SH3GL2: variants seen among roughly 807,000 people sequenced by gnomAD.
SH3GL2 encodes the protein SH3 domain containing GRB2 like 2, endophilin A1.
Under a neutral mutation model 46.0 loss-of-function variants are expected in SH3GL2, and 24 were observed. That is an observed-to-expected ratio of 0.52 (90% CI 0.38 to 0.73). The LOEUF (loss-of-function observed/expected upper bound fraction) is 0.73. Among genes scored for constraint, SH3GL2 ranks in the 30% least tolerant of loss-of-function variants. SH3GL2 has a pLI of 0.00. For missense variants in SH3GL2, 413 were observed against 424.2 expected, an observed-to-expected ratio of 0.97 and a Z score of 0.23; for synonymous variants, 196 against 147.1, an observed-to-expected ratio of 1.33 and a Z score of -2.40.
At chr9:17,608,539 G>C (rs1478160845) in intron 1 of SH3GL2, among the ~76,000 whole-genome samples, 1 of 152,180 alleles carries the variant, frequency 6.6e-6, no homozygotes, top group Non-Finnish European at 1.5e-5. Context: ...TTTGATTGTT[G>C]ACTCATACTT....
chr9:17,634,702 T>A (rs1014239833), intron 1 of SH3GL2, among the ~76,000 whole-genome samples: 2 of 152,248 alleles, frequency 1.3e-5, no homozygotes, highest in Admixed American at 6.5e-5. Context: ...TATGGTTTGT[T>A]CATTTCCTTT....
intron 1 of SH3GL2, among the ~76,000 whole-genome samples, chr9:17,582,859 A>G (rs1818302584): frequency 6.6e-6 from 1 of 152,154 alleles, no homozygotes; most frequent in Non-Finnish European, 1.5e-5. Context: ...CTTGGCTTGT[A>G]GATACATCAC....
At chr9:17,748,572 A>G (rs1293149046) in intron 2 of SH3GL2, among the ~76,000 whole-genome samples, 1 of 152,172 alleles carries the variant, frequency 6.6e-6, no homozygotes, top group Non-Finnish European at 1.5e-5. Context: ...AAATTAAAAA[A>G]AAAATCCTAG....
chr9:17,724,943 C>G (rs912266934), intron 1 of SH3GL2, among the ~76,000 whole-genome samples: 3 of 151,936 alleles, frequency 2.0e-5, no homozygotes, highest in African/African-American at 7.2e-5. Flanking sequence ...TTTCACGGTT[C>G]AGGGAATTTA....
At chr9:17,588,317 C>G (rs1412095070) in intron 1 of SH3GL2, among the ~76,000 whole-genome samples, 1 of 152,172 alleles carries the variant, frequency 6.6e-6, no homozygotes, top group African/African-American at 2.4e-5. Context: ...GTACTCTCCT[C>G]CCCTTTGAGT....
At chr9:17,771,274 C>T (rs9406708) in intron 3 of SH3GL2, among the ~76,000 whole-genome samples, 15,525 of 152,206 alleles carry the variant, frequency 0.1, 877 homozygotes, top group Non-Finnish European at 0.11. Context: ...GAGTATAGGT[C>T]AGTCCAGTTC....
Position 17,579,160 on chromosome 9 carries a change from G to C in SH3GL2, c.-83G>C. ...GCGGCACGACCAGAGGCGGCCAGGG[G>C]AGCGCGCCGCCCCGCTCGGCCCTCC... On this transcript the variant is annotated 5_prime_UTR_variant, in exon 1 of 9. Transcript: ENST00000380607. 2.0e-6 allele frequency: 2 copies of C among 1,013,194 alleles called. No individual in the cohort carries two copies. Among genetic ancestry groups the C allele is most frequent in the Non-Finnish European group, 2.8e-6 (2 of 723,996 alleles). The allele number at this position is 1,013,194 out of a possible 1,614,324, so 62.8% of individuals were successfully genotyped here.
intron 3 of SH3GL2, among the ~76,000 whole-genome samples, chr9:17,784,391 A>C (rs1040063472): frequency 3.9e-5 from 6 of 152,174 alleles, no homozygotes; most frequent in Non-Finnish European, 8.8e-5. Flanking sequence ...CTTAAATGTA[A>C]AATGGCCTGA....
At chr9:17,681,534 C>G (rs1413541114) in intron 1 of SH3GL2, among the ~76,000 whole-genome samples, 1 of 152,060 alleles carries the variant, frequency 6.6e-6, no homozygotes, top group Non-Finnish European at 1.5e-5. Context: ...CTTCCTTACA[C>G]CTTATACAAA....
chr9:17,751,724 A>G (rs769201498), intron 2 of SH3GL2, among the ~76,000 whole-genome samples: 1 of 152,024 alleles, frequency 6.6e-6, no homozygotes, highest in Non-Finnish European at 1.5e-5. Context: ...ATCTCTCTCA[A>G]ATGGGGAGAG....
intron 1 of SH3GL2, among the ~76,000 whole-genome samples, chr9:17,592,263 G>A (rs372953312): frequency 6.6e-6 from 1 of 152,184 alleles, no homozygotes. Flanking sequence ...GCCCTCAAGC[G>A]ATTGGATGTC....
chr9:17,733,181 A>G (rs1242141029), intron 1 of SH3GL2, among the ~76,000 whole-genome samples: 1 of 152,070 alleles, frequency 6.6e-6, no homozygotes, highest in Non-Finnish European at 1.5e-5. Flanking sequence ...ATAATCCTTC[A>G]TTTTGCCAAA....
intron 1 of SH3GL2, among the ~76,000 whole-genome samples, chr9:17,607,015 C>G (rs981731989): frequency 6.6e-6 from 1 of 152,006 alleles, no homozygotes. Flanking sequence ...CTTTTTTTCT[C>G]CTCTTCTCAT....
rs377538406 is a variant in SH3GL2 at position 17,795,560 on chromosome 9, G to A, written c.876G>A (p.Gln292=). 1.9e-6 allele frequency: 3 copies of A among 1,613,920 alleles called. No homozygotes were observed. The highest frequency in any genetic ancestry group is 2.5e-6 in the Non-Finnish European group (3 of 1,179,866). The change falls in exon 9 of 9, where the codon CAG becomes CAA. Residue 292 remains glutamine, a synonymous_variant. Coordinates refer to ENST00000380607, the MANE Select transcript of SH3GL2 (RefSeq NM_003026.5). ...TPKPSGVQMD[Q]PCCRALYDFE... is the part of the protein sequence containing the mutation. Reference sequence around the variant, plus strand: ...TACTCCCAGGTGTCCAAATGGATCAGCCCTGCTGCCGAGCTCTGTACGACT... The same window carrying A: ...TACTCCCAGGTGTCCAAATGGATCAACCCTGCTGCCGAGCTCTGTACGACT...
intron 1 of SH3GL2, among the ~76,000 whole-genome samples, chr9:17,581,487 G>T (rs1335033611): frequency 6.6e-6 from 1 of 152,180 alleles, no homozygotes; most frequent in Non-Finnish European, 1.5e-5. Context: ...ACTGTTCTGT[G>T]CATATGTATA....
intron 1 of SH3GL2, among the ~76,000 whole-genome samples, chr9:17,728,209 C>A (rs1023333013): frequency 3.9e-5 from 6 of 152,020 alleles, no homozygotes; most frequent in African/African-American, 1.4e-4. Flanking sequence ...TCTTGTGGTG[C>A]TTAAAATCTG....
At chr9:17,619,572 G>A (rs1217763260) in intron 1 of SH3GL2, among the ~76,000 whole-genome samples, 25 of 152,076 alleles carry the variant, frequency 1.6e-4, no homozygotes, top group Admixed American at 1.6e-3. Flanking sequence ...CAGCTACTCG[G>A]GAGGCTGAGG....
chr9:17,587,085 C>T (rs1471941097), intron 1 of SH3GL2, among the ~76,000 whole-genome samples: 5 of 152,152 alleles, frequency 3.3e-5, no homozygotes, highest in African/African-American at 4.8e-5. Flanking sequence ...AGCTGTATTT[C>T]TGGCTACTCA....
intron 1 of SH3GL2, among the ~76,000 whole-genome samples, chr9:17,746,688 G>A (rs1159160285): frequency 6.6e-6 from 1 of 152,174 alleles, no homozygotes; most frequent in Non-Finnish European, 1.5e-5. Context: ...GCAGTTTTCT[G>A]CATAGGTAGC....
Sources: gnomAD v4.1 joint callset for allele counts (sites outside exome capture counted in the v4.1 genomes callset) on GRCh38, gnomAD v4.1.1 for gene constraint, MANE v1.5 for transcripts, NCBI Gene and HGNC (gene_info 2026-07-23, HGNC 2026-07-21) for gene names.